PRKCD: variants seen among roughly 807,000 people sequenced by gnomAD.
The protein encoded by PRKCD is protein kinase C delta type.
A neutral mutation model predicts 82.2 loss-of-function variants in PRKCD; 20 were observed. The observed-to-expected ratio is 0.24, with a 90% confidence interval of 0.17 to 0.35. The LOEUF (loss-of-function observed/expected upper bound fraction) is 0.35, where lower values mean the gene tolerates loss of function less well. Among genes scored for constraint, PRKCD ranks in the 10% least tolerant of loss-of-function variants. PRKCD has a pLI of 1.00. For synonymous variants in PRKCD, 317 were observed against 337.0 expected, an observed-to-expected ratio of 0.94 and a Z score of 0.65; for missense variants, 607 against 899.0, an observed-to-expected ratio of 0.68 and a Z score of 4.15.
intron 11 of PRKCD, 60 bp from the exon 12 acceptor site, chr3:53,185,867 G>A (rs1187895529): frequency 1.1e-5 from 17 of 1,584,182 alleles, no homozygotes; most frequent in Middle Eastern, 1.7e-4. Flanking sequence ...CCCAGGCCCC[G>A]GGGGAGGGGA....
rs782791893 is a variant in PRKCD at position 53,169,875 on chromosome 3, G to A, written c.-20+4660G>A. On this transcript the variant is annotated intron_variant, in intron 2 of 18. Transcript: ENST00000330452. This position sits in a 1 kb window ranked among gnomAD's most constrained non-coding sequence, Gnocchi z 4.7. ...ACACCAGAGCACTTGGGCCAAGATC[G>A]CGGAGCACCCAGGCAGCAGATCTGA... is the stretch of plus-strand genomic sequence containing the variant. Among the ~76,000 whole-genome samples, 17 of 152,212 alleles carry A rather than the reference G, an allele frequency of 1.1e-4. No homozygotes were observed. The highest frequency in any genetic ancestry group is 2.4e-4 in the Non-Finnish European group (16 of 68,024).
chr3:53,185,516 T>C (rs1356646989), intron 10 of PRKCD, 88 bp from the exon 11 acceptor site: 5 of 1,098,022 alleles, frequency 4.6e-6, no homozygotes, highest in Non-Finnish European at 6.8e-6. Context: ...GTGTTAAGGG[T>C]GGAGTTATAC....
rs186006707 is a variant in PRKCD, at chr3:53,177,227, C to T, written c.-19-1177C>T. Among the ~76,000 whole-genome samples the T allele has an allele frequency of 4.1e-4, 62 of 152,272 alleles. No individual in the cohort carries two copies. The East Asian group carries it at 4.6e-3, about 11-fold the overall frequency. On this transcript the variant is annotated intron_variant, in intron 2 of 18. Coordinates refer to ENST00000330452, the MANE Select transcript of PRKCD (RefSeq NM_006254.4). ...GCTGCCTTGAACTCTTGGCCTCAAG[C>T]GATCCTCTTACCTTGGCCTCCTGAA...
rs370390925 is a variant in PRKCD at position 53,181,765 on chromosome 3, G to A, written c.571+33G>A. On this transcript the variant is annotated intron_variant, in intron 7 of 18. Transcript: ENST00000330452. ...TCTCCACAGGCCAGTTTGTACGTAT[G>A]TACCCATGTGTGCTCACGTGTGCCA... 3.8e-5 allele frequency: 62 copies of A among 1,614,046 alleles called. 1 individual carries two copies. Among genetic ancestry groups the A allele is most frequent in the Middle Eastern group, 1.6e-4 (1 of 6,084 alleles).
intron 1 of PRKCD, among the ~76,000 whole-genome samples, chr3:53,164,856 G>C (rs1392928439): frequency 6.6e-6 from 1 of 152,136 alleles, no homozygotes; most frequent in East Asian, 1.9e-4. Flanking sequence ...TCCTCACCAG[G>C]CTGGAAATGT....
At chr3:53,190,060 C>T in intron 18 of PRKCD, 59 bp downstream of exon 18, 1 of 1,603,702 alleles carries the variant, frequency 6.2e-7, no homozygotes, top group Non-Finnish European at 8.5e-7. Flanking sequence ...TGCCCTCCCT[C>T]TCTCCTGCAT....
Position 53,184,860 on chromosome 3 carries a change from C to G in PRKCD, c.788-14C>G. ...AGCTCTGAGACTGACAGCCCCGCTT[C>G]TCCCTCACCCCAGACTGCGGCATGA... On this transcript the variant is annotated splice_polypyrimidine_tract_variant and intron_variant, in intron 9 of 18. Transcript: ENST00000330452. 6.2e-7 allele frequency: 1 copy of G among 1,612,692 alleles called. No individual in the cohort carries two copies. The highest frequency in any genetic ancestry group is 1.3e-5 in the African/African-American group (1 of 75,008).
At position 53,192,110 on chromosome 3, in the gene PRKCD, G is replaced by A; in HGVS notation, c.1875G>A (p.Lys625=). ...RLEPPFRPKV[K]SPRDYSNFDQ... is the part of the protein sequence containing the mutation. ...TCACCCCTGCCCTCTGCTTGTAGAA[G>A]TCACCCAGAGACTACAGTAACTTTG... The change falls in exon 19 of 19, where the codon AAG becomes AAA. Residue 625 remains lysine (K), a splice_region_variant and synonymous_variant. Transcript: ENST00000330452. The A allele has an allele frequency of 6.2e-7, 1 of 1,614,004 alleles. No homozygotes were observed.
chr3:53,183,566 G>C lies in PRKCD; in HGVS notation c.772G>C (p.Gly258Arg). 2.5e-6 allele frequency: 4 copies of C among 1,614,168 alleles called. No individual in the cohort carries two copies. Among genetic ancestry groups the C allele is most frequent in the Non-Finnish European group, 3.4e-6 (4 of 1,180,004 alleles). The change falls in exon 9 of 19, where the codon GGA becomes CGA. Residue 258 changes from glycine (G) to arginine (R), a missense_variant. This residue lies in a region of PRKCD where 109 missense variants were observed against 155.6 expected (regional missense o/e 0.70). Transcript: ENST00000330452. The stretch of plus-strand genomic sequence containing the variant: ...CCTGCTCTGGGGACTGGTGAAGCAG[G>C]GATTAAAGTGTGAAGGTGCGTGCCA... Reference protein sequence around the residue: ...GSLLWGLVKQGLKCEDCGMNV... With the variant: ...GSLLWGLVKQRLKCEDCGMNV...
At chr3:53,181,402 T>C in intron 5 of PRKCD, 42 bp from the exon 6 acceptor site, 1 of 1,613,458 alleles carries the variant, frequency 6.2e-7, no homozygotes, top group Non-Finnish European at 8.5e-7. Flanking sequence ...GTGCCACCCC[T>C]TCCAGATACC....
In PRKCD at chr3:53,181,559, C is replaced by A. The variant is rs187146419; in HGVS notation, c.492C>A (p.Thr164=). 16 of 1,614,242 alleles carry A rather than the reference C, an allele frequency of 9.9e-6. No individual in the cohort carries two copies. The highest frequency in any genetic ancestry group is 3.3e-5 in the South Asian group (3 of 91,090). ...TCAAGAACCATGAGTTTATCGCCAC[C>A]TTCTTTGGGCAACCCACCTTCTGTT... The part of the protein sequence containing the change: ...HYIKNHEFIA[T]FFGQPTFCSV... The change falls in exon 6 of 19, where the codon ACC becomes ACA. Residue 164 remains threonine (T), a synonymous_variant. Transcript: ENST00000330452.
intron 2 of PRKCD, among the ~76,000 whole-genome samples, chr3:53,168,918 G>C (rs1702923624): frequency 6.6e-6 from 1 of 151,806 alleles, no homozygotes; most frequent in African/African-American, 2.4e-5. Context: ...GGAGGCACTG[G>C]GGGCTTGGGC....
In PRKCD at chr3:53,185,262, G is replaced by T. The variant is rs6798141; in HGVS notation, c.888+288G>T. Reference sequence around the variant, plus strand: ...TTGGGTGTGGACGTTTGTATGTGGGGGGGGCTTGAGGGATGCCACAAAACC... The same window carrying T: ...TTGGGTGTGGACGTTTGTATGTGGGTGGGGCTTGAGGGATGCCACAAAACC... On this transcript the variant is annotated intron_variant, in intron 10 of 18. Coordinates refer to ENST00000330452, the MANE Select transcript of PRKCD (RefSeq NM_006254.4). Among the ~76,000 whole-genome samples, 138,345 of 152,256 alleles carry T rather than the reference G, an allele frequency of 0.91. 64,156 individuals carry two copies. The highest frequency in any genetic ancestry group is 1 in the Non-Finnish European group (67,941 of 68,046).
At chr3:53,179,798 C>T (rs782650202) in intron 4 of PRKCD, 22 bp downstream of exon 4, 4 of 1,338,554 alleles carry the variant, frequency 3.0e-6, no homozygotes, top group Non-Finnish European at 4.0e-6. Context: ...ACGAGCCGTG[C>T]CGTGTGTGTG....
Position 53,188,841 on chromosome 3 carries a change from G to T in PRKCD, c.1537G>T (p.Asp513Tyr). ...SRASTFCGTP[D>Y]YIAPEILQGL... ...GGCCAGCACCTTCTGCGGCACCCCT[G>T]ACTATATCGCCCCTGAGGTGAGCCG... The change falls in exon 16 of 19, where the codon GAC becomes TAC. Residue 513 changes from aspartate to tyrosine, a missense_variant. Around this residue, in one of 5 missense-constraint regions of PRKCD, gnomAD observed 251 missense variants for 423.9 expected, o/e 0.59. Coordinates refer to ENST00000330452, the MANE Select transcript of PRKCD (RefSeq NM_006254.4). 6.2e-7 allele frequency: 1 copy of T among 1,614,140 alleles called. No individual in the cohort carries two copies. The highest frequency in any genetic ancestry group is 1.1e-5 in the South Asian group (1 of 91,082).
chr3:53,182,660 C>T (rs1193319246), intron 7 of PRKCD, among the ~76,000 whole-genome samples: 20 of 152,206 alleles, frequency 1.3e-4, no homozygotes, highest in Non-Finnish European at 1.6e-4. Context: ...TTTTAAGTGC[C>T]TTCCACTGGT....
intron 10 of PRKCD, 131 bp from the exon 11 acceptor site, chr3:53,185,473 G>A (rs782717772): frequency 2.0e-4 from 151 of 738,340 alleles, no homozygotes; most frequent in Non-Finnish European, 3.1e-4. Context: ...CCCGAGTAGG[G>A]GGCCTGGGCT....
intron 3 of PRKCD, among the ~76,000 whole-genome samples, chr3:53,178,791 T>C (rs1703315546): frequency 1.3e-5 from 2 of 152,206 alleles, no homozygotes; most frequent in Admixed American, 6.5e-5. Context: ...TACCCAGCAA[T>C]TTTTACATGT....
intron 10 of PRKCD, among the ~76,000 whole-genome samples, 157 bp downstream of exon 10, chr3:53,185,131 GA>G (rs1267919529): frequency 6.6e-6 from 1 of 152,218 alleles, no homozygotes. Context: ...GCAGCAGAGG[GA>G]GGGGGGCTTT....
Sources: allele counts gnomAD v4.1 joint callset (sites outside exome capture counted in the v4.1 genomes callset), GRCh38; gene constraint gnomAD v4.1.1; regional missense constraint gnomAD v4.1.1; non-coding constraint Gnocchi (gnomAD v3.1); transcripts MANE v1.5; gene names NCBI Gene and HGNC (gene_info 2026-07-23, HGNC 2026-07-21).